The following INPP4B variants were observed in gnomAD, a reference collection of about 807,000 sequenced individuals.
INPP4B encodes the protein inositol polyphosphate-4-phosphatase type II B, also known as inositol polyphosphate 4-phosphatase type II.
A neutral mutation model predicts 122.5 loss-of-function variants in INPP4B; 55 were observed. That is an observed-to-expected ratio of 0.45 (90% CI 0.36 to 0.56). The LOEUF (loss-of-function observed/expected upper bound fraction) is 0.56, where lower values mean the gene tolerates loss of function less well. INPP4B is among the 20% of genes least tolerant of loss of function. The pLI is 0.00. For missense variants in INPP4B, 1,000 were observed against 1,097.7 expected, an observed-to-expected ratio of 0.91 and a Z score of 1.26; for synonymous variants, 403 against 388.7, an observed-to-expected ratio of 1.04 and a Z score of -0.43.
chr4:142,134,688 T>C (rs911023607), intron 18 of INPP4B, among the ~76,000 whole-genome samples: 1 of 150,730 alleles, frequency 6.6e-6, no homozygotes, highest in Non-Finnish European at 1.5e-5. Context: ...TCCCAGCTGG[T>C]TGGGAGGCTG....
chr4:142,116,090 T>C (rs1793185254), intron 21 of INPP4B, among the ~76,000 whole-genome samples: 1 of 152,120 alleles, frequency 6.6e-6, no homozygotes, highest in Admixed American at 6.6e-5. Context: ...GGTAAAGGGA[T>C]CAATTCAACA....
At chr4:142,561,863 G>A (rs1414565203) in intron 2 of INPP4B, among the ~76,000 whole-genome samples, 7 of 152,006 alleles carry the variant, frequency 4.6e-5, no homozygotes, top group Non-Finnish European at 7.4e-5. Flanking sequence ...GTTTATGTGC[G>A]CACTGTAAAA....
intron 12 of INPP4B, among the ~76,000 whole-genome samples, chr4:142,226,296 A>G (rs1046255715): frequency 2.6e-5 from 4 of 151,258 alleles, no homozygotes; most frequent in Non-Finnish European, 4.4e-5. Context: ...GCTGTTTTCA[A>G]CATAAACTGT....
At chr4:142,073,892 C>T (rs750370481) in intron 25 of INPP4B, among the ~76,000 whole-genome samples, 3 of 152,022 alleles carry the variant, frequency 2.0e-5, no homozygotes, top group African/African-American at 4.8e-5. Context: ...TCTTGCTACA[C>T]CTCATTTTCC....
At chr4:142,754,685 C>G (rs182043942) in intron 1 of INPP4B, among the ~76,000 whole-genome samples, 1 of 152,036 alleles carries the variant, frequency 6.6e-6, no homozygotes, top group East Asian at 1.9e-4. Context: ...GTAACATGAA[C>G]AGATTCAGTC....
intron 1 of INPP4B, among the ~76,000 whole-genome samples, chr4:142,730,568 G>A (rs1490616522): frequency 2.0e-5 from 3 of 152,156 alleles, no homozygotes; most frequent in African/African-American, 7.2e-5. Flanking sequence ...CCCTGTCAAA[G>A]CTTTAATGAC....
chr4:142,830,728 A>C (rs1033696396), intron 1 of INPP4B, among the ~76,000 whole-genome samples: 5 of 151,978 alleles, frequency 3.3e-5, no homozygotes, highest in African/African-American at 1.2e-4. Context: ...ACAAGAGTCA[A>C]GAGTGGGGCA....
chr4:142,100,730 T>C (rs1330220379), intron 23 of INPP4B, among the ~76,000 whole-genome samples: 5 of 152,106 alleles, frequency 3.3e-5, no homozygotes, highest in African/African-American at 9.7e-5. Context: ...GTGAAAATGA[T>C]GCAGAGAGAA....
At chr4:142,073,158 T>C (rs1236559070) in intron 25 of INPP4B, among the ~76,000 whole-genome samples, 2 of 152,162 alleles carry the variant, frequency 1.3e-5, no homozygotes, top group Non-Finnish European at 2.9e-5. Context: ...TGATATGCTC[T>C]ATAAATTACA....
intron 2 of INPP4B, among the ~76,000 whole-genome samples, chr4:142,555,088 T>C (rs950696991): frequency 7.9e-5 from 12 of 152,044 alleles, no homozygotes; most frequent in Admixed American, 1.3e-4. Flanking sequence ...ACACATCCAA[T>C]TGGAGAAAGT....
intron 25 of INPP4B, among the ~76,000 whole-genome samples, chr4:142,076,526 A>G (rs955619165): frequency 2.0e-5 from 3 of 152,084 alleles, no homozygotes; most frequent in Non-Finnish European, 4.4e-5. Flanking sequence ...TATTTGCTGC[A>G]AATACTGACT....
chr4:142,740,738 C>T (rs1369460330), intron 1 of INPP4B, among the ~76,000 whole-genome samples: 1 of 151,984 alleles, frequency 6.6e-6, no homozygotes, highest in Non-Finnish European at 1.5e-5. Flanking sequence ...ATATTTGTGA[C>T]ATTTCTGGCT....
chr4:142,527,457 A>C (rs1230743051), intron 2 of INPP4B, among the ~76,000 whole-genome samples: 1 of 152,088 alleles, frequency 6.6e-6, no homozygotes, highest in African/African-American at 2.4e-5. Context: ...TGAGAGTCAA[A>C]ACTGTTCTTC....
chr4:142,582,518 T>A (rs1389961085), intron 2 of INPP4B, among the ~76,000 whole-genome samples: 1 of 152,124 alleles, frequency 6.6e-6, no homozygotes, highest in East Asian at 1.9e-4. Flanking sequence ...GAAATTTATG[T>A]CACCTGGAAC....
intron 2 of INPP4B, among the ~76,000 whole-genome samples, chr4:142,547,805 A>C (rs2150063621): frequency 6.6e-6 from 1 of 152,278 alleles, no homozygotes; most frequent in East Asian, 1.9e-4. Flanking sequence ...TGGAAAACAA[A>C]TTTAGGGACC....
At chr4:142,556,418 A>T (rs1358332667) in intron 2 of INPP4B, among the ~76,000 whole-genome samples, 2 of 152,212 alleles carry the variant, frequency 1.3e-5, no homozygotes, top group African/African-American at 4.8e-5. Flanking sequence ...TAAAATGAGG[A>T]CATGGGTTAG....
intron 3 of INPP4B, among the ~76,000 whole-genome samples, chr4:142,450,062 T>A (rs1169521051): frequency 6.6e-6 from 1 of 152,136 alleles, no homozygotes; most frequent in African/African-American, 2.4e-5. Context: ...GAAGTTGACC[T>A]CTTTGTGATG....
chr4:142,079,268 A>T (rs959841736), intron 25 of INPP4B, among the ~76,000 whole-genome samples: 7 of 151,984 alleles, frequency 4.6e-5, no homozygotes, highest in African/African-American at 1.7e-4. Flanking sequence ...TATACCCAAC[A>T]GGTAGTTTCT....
chr4:142,346,479 T>C (rs185978458), intron 7 of INPP4B, among the ~76,000 whole-genome samples: 1 of 152,016 alleles, frequency 6.6e-6, no homozygotes, highest in Admixed American at 6.6e-5. Flanking sequence ...ATTGATAATG[T>C]GGAAAAAGAT....
Sources: gnomAD v4.1 joint callset for allele counts (sites outside exome capture counted in the v4.1 genomes callset) on GRCh38, gnomAD v4.1.1 for gene constraint, MANE v1.5 for transcripts, NCBI Gene and HGNC (gene_info 2026-07-23, HGNC 2026-07-21) for gene names.